The following MOB3B variants were observed in gnomAD, a reference collection of about 807,000 sequenced individuals.
The protein encoded by MOB3B is MOB kinase activator 3B, also known as MOB kinase activator-like 2B.
In MOB3B, 7 loss-of-function variants were observed where a neutral mutation model predicts 18.7. The observed-to-expected ratio is 0.37, with a 90% CI of 0.21 to 0.70. The LOEUF is 0.70. Ranked by LOEUF, MOB3B falls within the 30% of genes least tolerant of loss-of-function variation. The probability of loss-of-function intolerance (pLI) is 0.52; values close to 1 mark genes in which losing one functional copy is unlikely to be tolerated. For missense variants in MOB3B, 253 were observed against 281.3 expected, an observed-to-expected ratio of 0.90 and a Z score of 0.72; for synonymous variants, 111 against 99.9, an observed-to-expected ratio of 1.11 and a Z score of -0.66.
chr9:27,467,811 C>T (rs1228568169), intron 1 of MOB3B, among the ~76,000 whole-genome samples: 3 of 152,258 alleles, frequency 2.0e-5, no homozygotes, highest in Non-Finnish European at 4.4e-5. Flanking sequence ...ACCAGTGCTA[C>T]ATGGGAAAGG....
intron 2 of MOB3B, among the ~76,000 whole-genome samples, chr9:27,386,896 C>G (rs72721200): frequency 0.018 from 2,816 of 152,326 alleles, 40 homozygotes; most frequent in Non-Finnish European, 0.029. Flanking sequence ...GAGCTCTCAT[C>G]CCTCCTAAGG....
intron 2 of MOB3B, among the ~76,000 whole-genome samples, chr9:27,374,643 G>A (rs1821466494): frequency 6.6e-6 from 1 of 152,128 alleles, no homozygotes. Flanking sequence ...ACTGGTGCCT[G>A]CAGGCCAAAG....
At chr9:27,456,062 G>T (rs144340599) in intron 1 of MOB3B, among the ~76,000 whole-genome samples, 1 of 152,276 alleles carries the variant, frequency 6.6e-6, no homozygotes, top group African/African-American at 2.4e-5. Flanking sequence ...TCAATGGCCT[G>T]ATCCTATCCC....
At chr9:27,333,889 C>T (rs1395880945) in intron 3 of MOB3B, among the ~76,000 whole-genome samples, 1 of 152,176 alleles carries the variant, frequency 6.6e-6, no homozygotes, top group Non-Finnish European at 1.5e-5. Flanking sequence ...ACTCACCACA[C>T]CAGCCAGGCA....
intron 2 of MOB3B, among the ~76,000 whole-genome samples, chr9:27,411,341 AT>A (rs1822064466): frequency 6.6e-6 from 1 of 152,218 alleles, no homozygotes; most frequent in African/African-American, 2.4e-5. Flanking sequence ...AAGAAGGAAC[AT>A]CTAGCAGGTG....
chr9:27,465,641 C>T (rs1367602503), intron 1 of MOB3B, among the ~76,000 whole-genome samples: 1 of 152,212 alleles, frequency 6.6e-6, no homozygotes, highest in Non-Finnish European at 1.5e-5. Flanking sequence ...GAGGGTCCCG[C>T]CCCTGCAGCA....
At chr9:27,465,981 G>C (rs997320645) in intron 1 of MOB3B, among the ~76,000 whole-genome samples, 1 of 152,172 alleles carries the variant, frequency 6.6e-6, no homozygotes, top group African/African-American at 2.4e-5. Flanking sequence ...ACATGGCCTG[G>C]AGACATTTTC....
intron 2 of MOB3B, among the ~76,000 whole-genome samples, chr9:27,371,628 A>G (rs1821415734): frequency 6.6e-6 from 1 of 152,248 alleles, no homozygotes. Context: ...GATATCACAT[A>G]TTCACATGCC....
chr9:27,480,554 C>G (rs1206007208), intron 1 of MOB3B, among the ~76,000 whole-genome samples: 1 of 152,108 alleles, frequency 6.6e-6, no homozygotes, highest in Non-Finnish European at 1.5e-5. Flanking sequence ...ACTGCCTCAG[C>G]CTCCCAAAGT....
chr9:27,373,653 A>G (rs1563852948), intron 2 of MOB3B, among the ~76,000 whole-genome samples: 1 of 152,258 alleles, frequency 6.6e-6, no homozygotes, highest in Non-Finnish European at 1.5e-5. Flanking sequence ...TAAAATACAT[A>G]AAAGTTTTTT....
chr9:27,449,927 G>A (rs4879504), intron 2 of MOB3B, among the ~76,000 whole-genome samples: 29,957 of 150,204 alleles, frequency 0.2, 3,840 homozygotes, highest in East Asian at 0.5. Context: ...GCAGTGAGCC[G>A]AGATCATGCC....
At chr9:27,524,329 C>CA (rs57924454) in intron 1 of MOB3B, 36 of 1,600,680 alleles carry the variant, frequency 2.2e-5, no homozygotes, top group South Asian at 3.4e-5. Context: ...TTTTAGCTTG[C>CA]AAAAAAAATG....
At chr9:27,381,670 A>T (rs1168350911) in intron 2 of MOB3B, among the ~76,000 whole-genome samples, 1 of 152,120 alleles carries the variant, frequency 6.6e-6, no homozygotes, top group East Asian at 1.9e-4. Flanking sequence ...TTTAAGAGAC[A>T]GGGTCTCACT....
intron 2 of MOB3B, among the ~76,000 whole-genome samples, chr9:27,412,420 G>T (rs1017721595): frequency 1.3e-5 from 2 of 152,132 alleles, no homozygotes; most frequent in African/African-American, 4.8e-5. Context: ...AAGGATTGTT[G>T]TCACTCAACC....
intron 1 of MOB3B, among the ~76,000 whole-genome samples, chr9:27,481,535 T>TTTTTTTTTTTTTTTTTTTTTTC (rs1819655596): frequency 7.1e-6 from 1 of 139,992 alleles, no homozygotes; most frequent in Non-Finnish European, 1.6e-5. Context: ...TTTTTTTTTT[T>TTTTTTTTTTTTTTTTTTTTTTC]GAGACGGAGT....
intron 1 of MOB3B, among the ~76,000 whole-genome samples, chr9:27,516,506 G>A (rs1181554126): frequency 6.6e-6 from 1 of 152,198 alleles, no homozygotes; most frequent in Non-Finnish European, 1.5e-5. Flanking sequence ...ATTAGGCCTA[G>A]ATCAACAATG....
chr9:27,325,465 A>G lies in MOB3B; in HGVS notation c.*5122T>C, dbSNP rs1397953072. 6.6e-6 allele frequency: 1 copy of G among 152,256 alleles called. No individual in the cohort carries two copies. Among genetic ancestry groups the G allele is most frequent in the Non-Finnish European group, 1.5e-5 (1 of 68,050 alleles). 9.4% of individuals were successfully genotyped at this position (152,256 alleles called of 1,614,324 possible). ...GCTAGTAAAACAGGCGAATTATTTG[A>G]TTAGAAATGGACTCTTCCTTCATAA... On this transcript the variant is annotated 3_prime_UTR_variant, in exon 4 of 4. Transcript: ENST00000262244.
At chr9:27,465,542 C>G (rs1322211163) in intron 1 of MOB3B, among the ~76,000 whole-genome samples, 1 of 152,214 alleles carries the variant, frequency 6.6e-6, no homozygotes, top group Middle Eastern at 3.2e-3. Flanking sequence ...CTTCTTACAG[C>G]TCCACCAAGC....
In MOB3B at chr9:27,328,744, CTG is replaced by C. The variant is rs1457913609; in HGVS notation, c.*1841_*1842del. 1.3e-5 allele frequency: 2 copies of C among 152,482 alleles called. No homozygotes were observed. The highest frequency in any genetic ancestry group is 2.1e-4 in the South Asian group (1 of 4,822). 9.4% of individuals were successfully genotyped at this position (152,482 alleles called of 1,614,324 possible). ...ACTGTGCTGCATTCCCATCTGGTAA[CTG>C]TGTATTGCAGAGGCTGGGACTTAGG... On this transcript the variant is annotated 3_prime_UTR_variant, in exon 4 of 4. Coordinates refer to ENST00000262244, the MANE Select transcript of MOB3B (RefSeq NM_024761.5).
Sources: allele counts gnomAD v4.1 joint callset (sites outside exome capture counted in the v4.1 genomes callset), GRCh38; gene constraint gnomAD v4.1.1; transcripts MANE v1.5; gene names NCBI Gene and HGNC (gene_info 2026-07-23, HGNC 2026-07-21).